Variants in FLG observed in about 807,000 individuals in gnomAD.
The protein encoded by FLG is epidermal filaggrin.
In FLG, 6 loss-of-function variants were observed where a neutral mutation model predicts 3.8. The ratio of observed to expected loss-of-function variants is 1.60; its 90% CI spans 0.87 to 3.15. The LOEUF (loss-of-function observed/expected upper bound fraction) is 3.15. Among genes scored for constraint, FLG ranks in the 30% most tolerant of loss-of-function variants. The pLI is 0.00. For synonymous variants in FLG, 2,551 were observed against 1,931.6 expected, an observed-to-expected ratio of 1.32 and a Z score of -8.41; for missense variants, 7,595 against 5,050.9, an observed-to-expected ratio of 1.50 and a Z score of -15.27.
At position 152,310,266 on chromosome 1, in the gene FLG, T is replaced by G. The variant is rs1259855561; in HGVS notation, c.4620A>C (p.Ala1540=). 1.9e-6 allele frequency: 3 copies of G among 1,613,750 alleles called. No homozygotes were observed. The African/African-American group carries it at 4.0e-5, about 22-fold the overall frequency. Residue 1540 remains alanine (A), a synonymous_variant, in exon 3 of 3, where the codon GCA becomes GCC. Transcript: ENST00000368799. ...ASHGQSGPRS[A]SRQTRNEEQS... is the part of the protein sequence containing the mutation. ...GTTCCTCATTTCTTGTTTGCCTGCTTGCACTTCTGGGTCCTGACTGCCCAT... is the reference window on the plus strand; with the variant it reads ...GTTCCTCATTTCTTGTTTGCCTGCTGGCACTTCTGGGTCCTGACTGCCCAT...
rs780380255 is a variant in FLG at position 152,309,660 on chromosome 1, G to C, written c.5226C>G (p.Pro1742=). ...TGGACTCTTGGTGGCTCTGCTGATG[G>C]GGCCCAGCCTGTCCGTGGGCTGACA... is the stretch of plus-strand genomic sequence containing the variant. ...QSVSAHGQAG[P]HQQSHQESTR... The change falls in exon 3 of 3, where the codon CCC becomes CCG. Residue 1742 remains proline (P), a synonymous_variant. Transcript: ENST00000368799. The C allele has an allele frequency of 1.6e-5, 26 of 1,613,640 alleles. 3 individuals carry two copies. The South Asian group carries it at 2.7e-4, about 17-fold the overall frequency.
rs759316349 is a variant in FLG, at chr1:152,304,558, C to A, written c.10328G>T (p.Arg3443Ile). Reference protein sequence around the residue: ...TIRGHPGSSRRGRQGSHYEQS... With the variant: ...TIRGHPGSSRIGRQGSHYEQS... ...CTCGTAGTGGGATCCCTGCCTTCCT[C>A]TTCTGCTTGACCCCGGGTGTCCACG... The change falls in exon 3 of 3, where the codon AGA (arginine) becomes ATA (isoleucine). Residue 3443 changes from arginine (R) to isoleucine (I), a missense_variant. Physicochemically the swap from Arg to Ile is moderately conservative, Grantham distance 97 (BLOSUM62 -3). Transcript: ENST00000368799. 22 of 1,610,122 alleles carry A rather than the reference C, an allele frequency of 1.4e-5. No individual in the cohort carries two copies. The highest frequency in any genetic ancestry group is 1.5e-5 in the Non-Finnish European group (18 of 1,178,042).
rs753353085 is a variant in FLG at position 152,310,367 on chromosome 1, G to A, written c.4519C>T (p.Gln1507Ter). The change falls in exon 3 of 3, where the codon CAA becomes TAA. Residue 1507 changes from glutamine (Q) to a stop codon, truncating the protein, a stop_gained. Transcript: ENST00000368799. LOFTEE classifies it low-confidence loss of function (END_TRUNC). ...RGGRQGSYHE[Q>*]SVDRSGHSGY... ...GAGTGTCCAGACCTATCTACTGATT[G>A]CTCGTGGTAGGATCCCTGCCTTCCT... 1.2e-6 allele frequency: 2 copies of A among 1,613,702 alleles called. No homozygotes were observed. Among genetic ancestry groups the A allele is most frequent in the South Asian group, 2.2e-5 (2 of 91,068 alleles).
Position 152,309,580 on chromosome 1 carries a change from A to T in FLG, c.5306T>A (p.Val1769Glu). 2 of 1,613,144 alleles carry T rather than the reference A, an allele frequency of 1.2e-6. No individual in the cohort carries two copies. The highest frequency in any genetic ancestry group is 2.2e-5 in the South Asian group (2 of 91,026). Residue 1769 changes from valine to glutamate, a missense_variant, in exon 3 of 3, where the codon GTG becomes GAG. Transcript: ENST00000368799. ...SGRSGSFLYQ[V>E]STHEQSESAH... ...GGACTCAGACTGTTCATGAGTGCTC[A>T]CCTGGTAGAGGAAAGACCCTGAACG...
rs72477392 is a variant in FLG at position 152,308,577 on chromosome 1, G to C, written c.6309C>G (p.Thr2103=). ...QVSTHEQSES[T]HGQSAPSTGG... ...CAGTGCTGGGCGCAGACTGTCCATG[G>C]GTGGACTCAGACTGTTCATGAGTGC... Residue 2103 remains threonine (T), a synonymous_variant, in exon 3 of 3, where the codon ACC becomes ACG. Coordinates refer to ENST00000368799, the MANE Select transcript of FLG (RefSeq NM_002016.2). 6.2e-7 allele frequency: 1 copy of C among 1,613,948 alleles called. No homozygotes were observed. Among genetic ancestry groups the C allele is most frequent in the East Asian group, 2.2e-5 (1 of 44,842 alleles).
At chr1:152,315,077 A>C (rs1420299790) in intron 2 of FLG, 1 of 404,704 alleles carries the variant, frequency 2.5e-6, no homozygotes, top group Non-Finnish European at 4.3e-6. Flanking sequence ...AAATACCAAA[A>C]TACTAAGAAC....
Position 152,312,565 on chromosome 1 carries a change from C to G in FLG, c.2321G>C (p.Ser774Thr). The G allele has an allele frequency of 6.2e-7, 1 of 1,613,758 alleles. No individual in the cohort carries two copies. ...GHGQAGHHQQSHQESARDRSG... is the reference protein window; with the variant it reads ...GHGQAGHHQQTHQESARDRSG... ...CCGGTCACGTGCGGACTCTTGGTGGCTCTGCTGATGGTGACCAGCCTGTCC... is the reference window on the plus strand; with the variant it reads ...CCGGTCACGTGCGGACTCTTGGTGGGTCTGCTGATGGTGACCAGCCTGTCC... Residue 774 changes from serine to threonine, a missense_variant, in exon 3 of 3, where the codon AGC (serine) becomes ACC (threonine). Coordinates refer to ENST00000368799, the MANE Select transcript of FLG (RefSeq NM_002016.2).
rs1652106166 is a variant in FLG at position 152,308,095 on chromosome 1, G to C, written c.6791C>G (p.Ser2264Cys). 6.2e-7 allele frequency: 1 copy of C among 1,613,626 alleles called. No homozygotes were observed. The highest frequency in any genetic ancestry group is 1.3e-5 in the African/African-American group (1 of 74,768). ...CTGAGCAGATCCATGATGGTTTCTG[G>C]ACGCAGACCCAGACCGCCTCTCAGA... ...EDSERRSGSA[S>C]RNHHGSAQEQ... Residue 2264 changes from serine to cysteine, a missense_variant, in exon 3 of 3, where the codon TCC becomes TGC. By Grantham distance (112) the Ser-to-Cys change is moderately radical. Coordinates refer to ENST00000368799, the MANE Select transcript of FLG (RefSeq NM_002016.2).
chr1:152,314,382 A>G lies in FLG; in HGVS notation c.504T>C (p.His168=), dbSNP rs1342835482. Residue 168 remains histidine (H), a synonymous_variant, in exon 3 of 3, where the codon CAT becomes CAC. Transcript: ENST00000368799. ...KKERKGYSPT[H]REEEYGKNHH... is the part of the protein sequence containing the mutation. ...GGTTTTTTCCATATTCTTCTTCTCT[A>G]TGAGTAGGTGAATATCCTTTTCTTT... 10 of 1,612,402 alleles carry G rather than the reference A, an allele frequency of 6.2e-6. No individual in the cohort carries two copies. The highest frequency in any genetic ancestry group is 1.1e-5 in the South Asian group (1 of 90,976).
chr1:152,313,684 C>T lies in FLG; in HGVS notation c.1202G>A (p.Gly401Glu). The T allele has an allele frequency of 1.2e-6, 2 of 1,614,038 alleles. No individual in the cohort carries two copies. Among genetic ancestry groups the T allele is most frequent in the East Asian group, 2.2e-5 (1 of 44,864 alleles). The change falls in exon 3 of 3, where the codon GGG (glycine) becomes GAG (glutamate). Residue 401 changes from glycine to glutamate, a missense_variant. Coordinates refer to ENST00000368799, the MANE Select transcript of FLG (RefSeq NM_002016.2). ...SADSSRHSAT[G>E]RGQASSAVSD... ...GACTGCAGATGAAGCTTGCCCGCGC[C>T]CAGTGGCTGAGTGTCTGGAGCTGTC... is the stretch of plus-strand genomic sequence containing the variant.
rs1368767743 is a variant in FLG at position 152,304,453 on chromosome 1, C to G, written c.10433G>C (p.Gly3478Ala). Residue 3478 changes from glycine to alanine, a missense_variant, in exon 3 of 3, where the codon GGG becomes GCG. Gly to Ala is a moderately conservative substitution (Grantham distance 60). Coordinates refer to ENST00000368799, the MANE Select transcript of FLG (RefSeq NM_002016.2). Reference sequence around the variant, plus strand: ...GCTGGCACTTCTGGATCCTGACTGCCCACGGGAGGCATCAGACCTTCCCTG... The same window carrying G: ...GCTGGCACTTCTGGATCCTGACTGCGCACGGGAGGCATCAGACCTTCCCTG... ...TSQGRSDASRGQSGSRSASRQ... is the reference protein window; with the variant it reads ...TSQGRSDASRAQSGSRSASRQ... 1.2e-6 allele frequency: 2 copies of G among 1,612,348 alleles called. No homozygotes were observed. The highest frequency in any genetic ancestry group is 1.7e-6 in the Non-Finnish European group (2 of 1,179,430).
At position 152,309,531 on chromosome 1, in the gene FLG, G is replaced by A. The variant is rs72477394; in HGVS notation, c.5355C>T (p.Ser1785=). ...GGCGGGATCTTTGTCTTCCTCCAGT[G>A]CTGGGCCCTGTGCGTCCATGGGCGG... ...SESAHGRTGP[S]TGGRQRSRHE... Residue 1785 remains serine, a synonymous_variant, in exon 3 of 3, where the codon AGC becomes AGT. Coordinates refer to ENST00000368799, the MANE Select transcript of FLG (RefSeq NM_002016.2). 2 of 1,613,788 alleles carry A rather than the reference G, an allele frequency of 1.2e-6. No individual in the cohort carries two copies. The highest frequency in any genetic ancestry group is 1.3e-5 in the African/African-American group (1 of 74,912).
chr1:152,312,181 G>A lies in FLG; in HGVS notation c.2705C>T (p.Ser902Leu). 2 of 1,613,994 alleles carry A rather than the reference G, an allele frequency of 1.2e-6. No individual in the cohort carries two copies. Among genetic ancestry groups the A allele is most frequent in the Admixed American group, 1.7e-5 (1 of 60,006 alleles). ...CCCTGAGTGCCTGGAGCCGTCTCTT[G>A]ATTGTTCCTCATTACGTGTTGTTCT... ...ASRTTRNEEQ[S>L]RDGSRHSGSR... Residue 902 changes from serine (S) to leucine (L), a missense_variant, in exon 3 of 3, where the codon TCA (serine) becomes TTA (leucine). Ser to Leu is a moderately radical substitution (Grantham distance 145, BLOSUM62 -2). Transcript: ENST00000368799.
At position 152,313,545 on chromosome 1, in the gene FLG, C is replaced by G. The variant is rs1236206876; in HGVS notation, c.1341G>C (p.Gln447His). The G allele has an allele frequency of 6.2e-7, 1 of 1,613,774 alleles. No individual in the cohort carries two copies. The highest frequency in any genetic ancestry group is 8.5e-7 in the Non-Finnish European group (1 of 1,179,970). Residue 447 changes from glutamine to histidine, a missense_variant, in exon 3 of 3, where the codon CAG becomes CAC. Gln to His is a conservative substitution (Grantham distance 24). Coordinates refer to ENST00000368799, the MANE Select transcript of FLG (RefSeq NM_002016.2). ...CACGTGTGGACTCTTGGTGGCTCTG[C>G]TGTCTCAGCCCAGCCTTTCCGTGGC... is the stretch of plus-strand genomic sequence containing the variant. Reference protein sequence around the residue: ...VSGHGKAGLRQQSHQESTRGR... With the variant: ...VSGHGKAGLRHQSHQESTRGR...
chr1:152,309,487 C>A lies in FLG; in HGVS notation c.5399G>T (p.Ser1800Ile), dbSNP rs566992543. Residue 1800 changes from serine (S) to isoleucine (I), a missense_variant, in exon 3 of 3, where the codon AGC becomes ATC. Transcript: ENST00000368799. ...QRSRHEQARD[S>I]SRHSASQEGQ... is the part of the protein sequence containing the mutation. Reference sequence around the variant, plus strand: ...CTCTTGGGACGCTGAGTGCCTGGAGCTGTCTCGTGCCTGCTCGTGGCGGGA... The same window carrying A: ...CTCTTGGGACGCTGAGTGCCTGGAGATGTCTCGTGCCTGCTCGTGGCGGGA... 3.7e-6 allele frequency: 6 copies of A among 1,613,942 alleles called. No individual in the cohort carries two copies. Among genetic ancestry groups the A allele is most frequent in the Non-Finnish European group, 2.5e-6 (3 of 1,179,964 alleles).
chr1:152,313,449 G>A lies in FLG; in HGVS notation c.1437C>T (p.Asp479=). 6.2e-7 allele frequency: 1 copy of A among 1,613,738 alleles called. No homozygotes were observed. The highest frequency in any genetic ancestry group is 8.5e-7 in the Non-Finnish European group (1 of 1,179,982). Residue 479 remains aspartate (D), a synonymous_variant, in exon 3 of 3, where the codon GAC becomes GAT. Transcript: ENST00000368799. The stretch of plus-strand genomic sequence containing the variant: ...TGGTCCCGGTCCGTCCATGGGCAGA[G>A]TCAGGCTGTTCATGAGTGCTCACCT... ...LYQVSTHEQP[D]SAHGRTGTST... is the part of the protein sequence containing the mutation.
chr1:152,314,115 AT>A lies in FLG; in HGVS notation c.770del (p.Tyr257LeufsTer15), dbSNP rs1557882406. 1 of 1,613,996 alleles carries A rather than the reference AT, an allele frequency of 6.2e-7. No homozygotes were observed. The highest frequency in any genetic ancestry group is 1.1e-5 in the South Asian group (1 of 91,076). On this transcript the variant is annotated frameshift_variant, in exon 3 of 3. Transcript: ENST00000368799. LOFTEE classifies it low-confidence loss of function (END_TRUNC). ...TDSLLEENKIYERSRSSDGKS... is the reference protein window; with the variant it reads ...TDSLLEENKIXERSRSSDGKS... ...TGCCATCAGATGACCTTGATCTTTC[AT>A]ATATTTTGTTTTCTTCTAATAGACT...
In FLG at chr1:152,303,051, CTG is replaced by C. The variant is rs748587322; in HGVS notation, c.11833_11834del (p.Gln3945ValfsTer9). Reference sequence around the variant, plus strand: ...TAGAACTGTGAGGACTGCCACGTGACTGTATTCCTGAGTGATACGCAGAATCT... The same window carrying C: ...TAGAACTGTGAGGACTGCCACGTGACTATTCCTGAGTGATACGCAGAATCT... ...SQDSAYHSGI[Q>X]SRGSPHSSSS... is the part of the protein sequence containing the mutation. On this transcript the variant is annotated frameshift_variant, in exon 3 of 3. Coordinates refer to ENST00000368799, the MANE Select transcript of FLG (RefSeq NM_002016.2). LOFTEE classifies it low-confidence loss of function (END_TRUNC). 4 of 1,614,178 alleles carry C rather than the reference CTG, an allele frequency of 2.5e-6. No individual in the cohort carries two copies. The South Asian group carries it at 3.3e-5, about 13-fold the overall frequency.
intron 1 of FLG, among the ~76,000 whole-genome samples, chr1:152,320,175 ATTAAC>A (rs1378036126): frequency 4.0e-5 from 6 of 151,230 alleles, no homozygotes; most frequent in Non-Finnish European, 7.4e-5. Context: ...ACTGGTAAAT[ATTAAC>A]TTAATCCAAA....
Sources: allele counts gnomAD v4.1 joint callset (sites outside exome capture counted in the v4.1 genomes callset), GRCh38; gene constraint gnomAD v4.1.1; transcripts MANE v1.5; gene names NCBI Gene and HGNC (gene_info 2026-07-23, HGNC 2026-07-21).